The following RWDD1 variants were observed in gnomAD, a reference collection of about 807,000 sequenced individuals.
RWDD1 encodes the protein RWD domain-containing protein 1.
In RWDD1, 17 loss-of-function variants were observed where a neutral mutation model predicts 31.6. The observed-to-expected ratio is 0.54, with a 90% CI of 0.37 to 0.81. The LOEUF (loss-of-function observed/expected upper bound fraction) is 0.81. RWDD1 is among the 30% of genes least tolerant of loss of function. The pLI, the probability that RWDD1 is intolerant of heterozygous loss-of-function variation, is 0.00. For synonymous variants in RWDD1, 78 were observed against 94.2 expected, an observed-to-expected ratio of 0.83 and a Z score of 0.99; for missense variants, 204 against 274.5, an observed-to-expected ratio of 0.74 and a Z score of 1.82.
intron 1 of RWDD1, among the ~76,000 whole-genome samples, chr6:116,576,193 T>C (rs1050935417): frequency 2.0e-5 from 3 of 152,244 alleles, no homozygotes; most frequent in Non-Finnish European, 2.9e-5. Flanking sequence ...TGTATCTGTT[T>C]AATGAGAAAT....
chr6:116,578,283 T>C (rs1774885979), intron 1 of RWDD1, among the ~76,000 whole-genome samples: 1 of 152,250 alleles, frequency 6.6e-6, no homozygotes, highest in Non-Finnish European at 1.5e-5. Context: ...CATGTCGGTT[T>C]AGTTGGCAGC....
At chr6:116,583,053 C>CT (rs1774976240) in intron 2 of RWDD1, among the ~76,000 whole-genome samples, 1 of 151,504 alleles carries the variant, frequency 6.6e-6, no homozygotes, top group African/African-American at 2.4e-5. Flanking sequence ...TCTTAGCTCA[C>CT]TGCAGCCTCC....
At chr6:116,581,992 AT>A (rs1562377490) in intron 2 of RWDD1, among the ~76,000 whole-genome samples, 1 of 151,964 alleles carries the variant, frequency 6.6e-6, no homozygotes, top group Non-Finnish European at 1.5e-5. Context: ...TTCTCATGTT[AT>A]TTTTGAGATT....
chr6:116,596,332 T>G lies in RWDD1; in HGVS notation c.*3231T>G, dbSNP rs1438693501. The stretch of plus-strand genomic sequence containing the variant: ...AAATTTGAGTAGCATTAGTTTGTTT[T>G]CTGTTTAGGAACTGTATCAGGGTGA... On this transcript the variant is annotated 3_prime_UTR_variant, in exon 7 of 7. Transcript: ENST00000466444. 2 of 152,222 alleles carry G rather than the reference T, an allele frequency of 1.3e-5. No homozygotes were observed. Among genetic ancestry groups the G allele is most frequent in the Non-Finnish European group, 2.9e-5 (2 of 68,030 alleles). 9.4% of individuals were successfully genotyped at this position (152,222 alleles called of 1,614,324 possible). A position where few individuals can be genotyped will look rare whatever the true frequency, so the allele number is the denominator to read the frequency against.
intron 1 of RWDD1, chr6:116,572,937 G>A (rs1774770542): frequency 2.0e-6 from 2 of 985,360 alleles, no homozygotes; most frequent in Non-Finnish European, 2.4e-6. Flanking sequence ...TGTGCTGTGA[G>A]GATGTTAAGG....
rs146592774 is a variant in RWDD1 at position 116,579,379 on chromosome 6, G to T, written c.74-916G>T. ...ATAGGCTTTTCTCATAGGCTTAGCAGCCATCCCTGGTAGCTTGAAGTTTCC... is the reference window on the plus strand; with the variant it reads ...ATAGGCTTTTCTCATAGGCTTAGCATCCATCCCTGGTAGCTTGAAGTTTCC... On this transcript the variant is annotated intron_variant, in intron 1 of 6. Transcript: ENST00000466444. Among the ~76,000 whole-genome samples the T allele has an allele frequency of 4.2e-3, 635 of 152,352 alleles. 5 individuals carry two copies. The highest frequency in any genetic ancestry group is 0.014 in the African/African-American group (597 of 41,574).
At chr6:116,590,755 G>C in intron 5 of RWDD1, 133 bp from the exon 6 acceptor site, 1 of 1,359,562 alleles carries the variant, frequency 7.4e-7, no homozygotes, top group East Asian at 2.8e-5. Context: ...ATGCCACTTA[G>C]CTACTGAATA....
intron 6 of RWDD1, 45 bp from the exon 7 acceptor site, chr6:116,592,935 T>G (rs1363032275): frequency 6.3e-7 from 1 of 1,586,860 alleles, no homozygotes. Context: ...TTTCTGAGTA[T>G]AAGACTAAAG....
chr6:116,591,456 A>G (rs1775143156), intron 6 of RWDD1, among the ~76,000 whole-genome samples: 1 of 152,214 alleles, frequency 6.6e-6, no homozygotes, highest in African/African-American at 2.4e-5. Context: ...ATGGACTGTC[A>G]TGGAGCTTGT....
rs2115341920 is a variant in RWDD1, at chr6:116,597,191, T to C, written c.*4090T>C. ...AGCAAGTGAGAAAAAGAGAGACTAG[T>C]GGTGATGTTTTTAAGTAATTGAAGT... On this transcript the variant is annotated 3_prime_UTR_variant, in exon 7 of 7. Transcript: ENST00000466444. 6.6e-6 allele frequency: 1 copy of C among 152,172 alleles called. No individual in the cohort carries two copies. The highest frequency in any genetic ancestry group is 2.1e-4 in the South Asian group (1 of 4,810). 9.4% of individuals were successfully genotyped at this position (152,172 alleles called of 1,614,324 possible).
At chr6:116,575,325 A>C (rs1230363862) in intron 1 of RWDD1, among the ~76,000 whole-genome samples, 2 of 152,070 alleles carry the variant, frequency 1.3e-5, no homozygotes, top group Non-Finnish European at 2.9e-5. Flanking sequence ...GCCTCAAGTG[A>C]TCCACCCACT....
chr6:116,590,778 T>C (rs1775128026), intron 5 of RWDD1, 110 bp from the exon 6 acceptor site: 2 of 1,435,600 alleles, frequency 1.4e-6, no homozygotes, highest in East Asian at 5.5e-5. Context: ...TTCAGAAATT[T>C]ATTGAAATTC....
Position 116,588,915 on chromosome 6 carries a change from T to C in RWDD1, c.344T>C (p.Val115Ala), listed in dbSNP as rs1775087854. The C allele has an allele frequency of 6.7e-7, 1 of 1,487,646 alleles. No individual in the cohort carries two copies. The highest frequency in any genetic ancestry group is 2.5e-5 in the Admixed American group (1 of 40,168). 92.2% of individuals were successfully genotyped at this position (1,487,646 alleles called of 1,614,324 possible). Residue 115 changes from valine (V) to alanine (A), a missense_variant, in exon 4 of 7, where the codon GTA becomes GCA. By Grantham distance (64) the Val-to-Ala change is moderately conservative. Coordinates refer to ENST00000466444, the MANE Select transcript of RWDD1 (RefSeq NM_015952.4). ...GTGCAAGAAAAATTAAATGAAATAG[T>C]AGATCAGATAAAAACTAGAAGAGAA... ...TAVQEKLNEIVDQIKTRREEE... is the reference protein window; with the variant it reads ...TAVQEKLNEIADQIKTRREEE...
At chr6:116,586,353 C>T (rs565536021) in intron 3 of RWDD1, among the ~76,000 whole-genome samples, 3 of 151,410 alleles carry the variant, frequency 2.0e-5, no homozygotes, top group African/African-American at 7.3e-5. Context: ...GACTTTTTTT[C>T]CTTATGGTTA....
intron 1 of RWDD1, among the ~76,000 whole-genome samples, chr6:116,579,407 G>C (rs114980563): frequency 0.028 from 4,199 of 152,222 alleles, 197 homozygotes; most frequent in African/African-American, 0.094. Flanking sequence ...AAGTTTCCTT[G>C]TTTACTTTTC....
intron 2 of RWDD1, among the ~76,000 whole-genome samples, chr6:116,581,064 T>G (rs1774940072): frequency 6.6e-6 from 1 of 152,124 alleles, no homozygotes; most frequent in Admixed American, 6.5e-5. Flanking sequence ...ATGGTATTAC[T>G]TGATAACTCC....
chr6:116,592,833 G>GT, intron 6 of RWDD1, 147 bp from the exon 7 acceptor site: 3 of 770,372 alleles, frequency 3.9e-6, no homozygotes, highest in Middle Eastern at 3.9e-4. Flanking sequence ...GCAAATCACT[G>GT]TTGATAACTG....
At chr6:116,591,910 C>T (rs1186132686) in intron 6 of RWDD1, among the ~76,000 whole-genome samples, 1 of 152,252 alleles carries the variant, frequency 6.6e-6, no homozygotes, top group Non-Finnish European at 1.5e-5. Context: ...TAGGCCTTTA[C>T]TGATAGGCAA....
intron 2 of RWDD1, among the ~76,000 whole-genome samples, chr6:116,582,465 C>G (rs1774963192): frequency 1.3e-5 from 2 of 151,778 alleles, no homozygotes; most frequent in African/African-American, 4.8e-5. Flanking sequence ...TTTTAATTTA[C>G]TTTTTAATTT....
Sources: gnomAD v4.1 joint callset for allele counts (sites outside exome capture counted in the v4.1 genomes callset) on GRCh38, gnomAD v4.1.1 for gene constraint, MANE v1.5 for transcripts, NCBI Gene and HGNC (gene_info 2026-07-23, HGNC 2026-07-21) for gene names.